Variants in AUTS2 observed in about 807,000 individuals in gnomAD.
AUTS2 encodes activator of transcription and developmental regulator AUTS2.
Under a neutral mutation model 112.4 loss-of-function variants are expected in AUTS2, and 17 were observed. That is an observed-to-expected ratio of 0.15 (90% CI 0.10 to 0.23). AUTS2 has a LOEUF of 0.23. Ranked by LOEUF, AUTS2 falls within the 10% of genes least tolerant of loss-of-function variation. AUTS2 has a pLI of 1.00. For synonymous variants in AUTS2, 751 were observed against 702.7 expected (o/e 1.07, Z -1.09); for missense variants, 1,510 against 1,701.6 (o/e 0.89, Z 1.98).
chr7:70,003,673 ATG>A (rs1799359380), intron 2 of AUTS2, among the ~76,000 whole-genome samples: 1 of 127,610 alleles, frequency 7.8e-6, no homozygotes, highest in South Asian at 2.4e-4. Flanking sequence ...TATAATATAT[ATG>A]AATGTGTTAT....
chr7:70,437,842 A>G (rs1585144492), intron 5 of AUTS2: 1 of 146,116 alleles, frequency 6.8e-6, no homozygotes, highest in Non-Finnish European at 1.5e-5. Flanking sequence ...TCCATCAAAA[A>G]AAAAAAAAAA....
intron 1 of AUTS2, among the ~76,000 whole-genome samples, chr7:69,830,165 C>G (rs1428485822): frequency 1.3e-5 from 2 of 152,244 alleles, no homozygotes; most frequent in African/African-American, 4.8e-5. Flanking sequence ...TGTTCTCACT[C>G]ATAAGTGGGA....
chr7:69,791,001 C>T (rs1199939912), intron 1 of AUTS2, among the ~76,000 whole-genome samples: 1 of 152,196 alleles, frequency 6.6e-6, no homozygotes, highest in African/African-American at 2.4e-5. Context: ...TTCTTGGCTC[C>T]ACTAATTGAA....
At chr7:70,499,808 A>C (rs1798700956) in intron 5 of AUTS2, among the ~76,000 whole-genome samples, 1 of 152,246 alleles carries the variant, frequency 6.6e-6, no homozygotes, top group South Asian at 2.1e-4. Context: ...CAGCAAGGTA[A>C]GTCTGCAGGC....
intron 5 of AUTS2, among the ~76,000 whole-genome samples, chr7:70,490,960 C>T (rs1798206001): frequency 6.6e-6 from 1 of 152,212 alleles, no homozygotes; most frequent in Non-Finnish European, 1.5e-5. Flanking sequence ...TCAGTATCAG[C>T]CTGCCATGGC....
intron 5 of AUTS2, among the ~76,000 whole-genome samples, chr7:70,474,827 C>A (rs1797520807): frequency 6.6e-6 from 1 of 152,154 alleles, no homozygotes; most frequent in African/African-American, 2.4e-5. Context: ...AGGAAACAGA[C>A]CCTAAAGCAC....
At chr7:70,186,116 T>C (rs987438308) in intron 4 of AUTS2, among the ~76,000 whole-genome samples, 1 of 152,218 alleles carries the variant, frequency 6.6e-6, no homozygotes, top group Non-Finnish European at 1.5e-5. Flanking sequence ...TTGAATCTTA[T>C]GCTTGAAGTA....
At chr7:70,786,227 G>C (rs1307485731) in intron 17 of AUTS2, among the ~76,000 whole-genome samples, 189 bp downstream of exon 17, 1 of 152,202 alleles carries the variant, frequency 6.6e-6, no homozygotes, top group Non-Finnish European at 1.5e-5. Context: ...TGTGAGGGCA[G>C]CCCCCTGTGG....
chr7:70,628,273 G>C (rs1258319152), intron 5 of AUTS2, among the ~76,000 whole-genome samples: 1 of 113,518 alleles, frequency 8.8e-6, no homozygotes, highest in East Asian at 2.4e-4. Flanking sequence ...CCCTGGGGAG[G>C]GGCCACATGT....
At chr7:70,690,103 T>G (rs1387121153) in intron 5 of AUTS2, among the ~76,000 whole-genome samples, 1 of 152,202 alleles carries the variant, frequency 6.6e-6, no homozygotes, top group East Asian at 1.9e-4. Context: ...TATCTCACTT[T>G]CTAGATAAGG....
At chr7:70,159,267 C>G (rs369342898) in intron 4 of AUTS2, among the ~76,000 whole-genome samples, 8 of 152,290 alleles carry the variant, frequency 5.3e-5, no homozygotes, top group East Asian at 1.9e-4. Flanking sequence ...AATTATTATC[C>G]TCTCTGCTAG....
At chr7:69,808,223 G>A (rs548898339) in intron 1 of AUTS2, among the ~76,000 whole-genome samples, 6 of 152,258 alleles carry the variant, frequency 3.9e-5, no homozygotes, top group Admixed American at 6.5e-5. Flanking sequence ...ACCGCACTCC[G>A]GCCAAGGCCG....
chr7:69,617,834 A>G (rs1294934780), intron 1 of AUTS2, among the ~76,000 whole-genome samples: 1 of 152,106 alleles, frequency 6.6e-6, no homozygotes, highest in Non-Finnish European at 1.5e-5. Context: ...CCTCCAAGAG[A>G]TGTGCTTCAA....
At chr7:69,741,730 A>C (rs1352935678) in intron 1 of AUTS2, among the ~76,000 whole-genome samples, 1 of 151,860 alleles carries the variant, frequency 6.6e-6, no homozygotes, top group South Asian at 2.1e-4. Context: ...TCCATAGCCT[A>C]ACCACCTTGG....
intron 2 of AUTS2, among the ~76,000 whole-genome samples, chr7:70,096,574 G>C (rs1804212223): frequency 6.8e-6 from 1 of 147,224 alleles, no homozygotes; most frequent in East Asian, 2.0e-4. Context: ...ACTCCAGCCT[G>C]GGCAACAAGA....
In AUTS2 at chr7:70,534,765, T is replaced by G. The variant is rs188828924; in HGVS notation, c.690+98984T>G. On this transcript the variant is annotated intron_variant, in intron 5 of 18. Transcript: ENST00000342771. The stretch of plus-strand genomic sequence containing the variant: ...AAATAGGCACTAGGAGAGCAATATC[T>G]TTACATTTTGTTACCTGTGAACACT... Among the ~76,000 whole-genome samples the G allele has an allele frequency of 2.6e-5, 4 of 152,218 alleles. 1 individual carries two copies. In the East Asian group the frequency reaches 7.7e-4, roughly 29 times the overall value.
intron 4 of AUTS2, among the ~76,000 whole-genome samples, chr7:70,370,365 A>G (rs1218361429): frequency 6.6e-6 from 1 of 151,886 alleles, no homozygotes; most frequent in South Asian, 2.1e-4. Flanking sequence ...TAGGTAACCA[A>G]CCCTCTATTT....
chr7:70,298,166 G>A (rs1409246208), intron 4 of AUTS2, among the ~76,000 whole-genome samples: 1 of 151,834 alleles, frequency 6.6e-6, no homozygotes, highest in African/African-American at 2.4e-5. Flanking sequence ...CGAGTAGCTG[G>A]GATTACAGGC....
intron 2 of AUTS2, among the ~76,000 whole-genome samples, chr7:70,114,238 G>A (rs1805236633): frequency 6.6e-6 from 1 of 152,206 alleles, no homozygotes; most frequent in Admixed American, 6.5e-5. Context: ...AGGTCCTGAA[G>A]TATGTAAAGG....
Sources: allele counts gnomAD v4.1 joint callset (sites outside exome capture counted in the v4.1 genomes callset), GRCh38; gene constraint gnomAD v4.1.1; transcripts MANE v1.5; gene names NCBI Gene and HGNC (gene_info 2026-07-23, HGNC 2026-07-21).